The following NSG1 variants were observed in gnomAD, a reference collection of about 807,000 sequenced individuals.
NSG1 encodes neuronal vesicle trafficking associated 1.
A neutral mutation model predicts 19.3 loss-of-function variants in NSG1; 9 were observed. That is an observed-to-expected ratio of 0.47 (90% CI 0.28 to 0.81). The LOEUF (loss-of-function observed/expected upper bound fraction) is 0.81. Among genes scored for constraint, NSG1 ranks in the 40% least tolerant of loss-of-function variants. NSG1 has a pLI of 0.11. For synonymous variants in NSG1, 104 were observed against 107.0 expected, an observed-to-expected ratio of 0.97 and a Z score of 0.17; for missense variants, 236 against 242.4, an observed-to-expected ratio of 0.97 and a Z score of 0.18.
chr4:4,394,268 T>C (rs1723137750), intron 3 of NSG1, among the ~76,000 whole-genome samples: 2 of 152,176 alleles, frequency 1.3e-5, no homozygotes, highest in South Asian at 4.1e-4. Context: ...TTCAAAACCC[T>C]TGCTCTGCTG....
chr4:4,415,910 A>C (rs765928571), intron 4 of NSG1: 1 of 574,466 alleles, frequency 1.7e-6, no homozygotes, highest in Non-Finnish European at 3.1e-6. Context: ...CTCCTTCCTG[A>C]TGCACGCGCT....
At chr4:4,411,600 C>T (rs1244637325) in intron 4 of NSG1, among the ~76,000 whole-genome samples, 1 of 152,104 alleles carries the variant, frequency 6.6e-6, no homozygotes, top group African/African-American at 2.4e-5. Flanking sequence ...AAAAATTAGC[C>T]AGGCATGGTG....
At chr4:4,410,109 A>C (rs1724093241) in intron 4 of NSG1, among the ~76,000 whole-genome samples, 1 of 152,140 alleles carries the variant, frequency 6.6e-6, no homozygotes, top group Non-Finnish European at 1.5e-5. Context: ...TCCCACAGAG[A>C]GGAAGGCCTT....
At position 4,387,589 on chromosome 4, in the gene NSG1, G is replaced by A. The variant is rs747491272; in HGVS notation, c.-26-15G>A. 8.7e-6 allele frequency: 13 copies of A among 1,490,154 alleles called. No homozygotes were observed. The South Asian group carries it at 1.4e-4, about 16-fold the overall frequency. 92.3% of individuals were successfully genotyped at this position (1,490,154 alleles called of 1,614,324 possible). On this transcript the variant is annotated splice_polypyrimidine_tract_variant and intron_variant, in intron 1 of 4. Transcript: ENST00000621129. Reference sequence around the variant, plus strand: ...GTCTTGCTTGTGGTGACTCCCCCCGGCCCTCCCGCCGCAGGCTGCAGCCTC... The same window carrying A: ...GTCTTGCTTGTGGTGACTCCCCCCGACCCTCCCGCCGCAGGCTGCAGCCTC...
At position 4,413,360 on chromosome 4, in the gene NSG1, C is replaced by G. The variant is rs1019783493; in HGVS notation, c.357+3677C>G. 2.6e-5 allele frequency among the ~76,000 whole-genome samples: 4 copies of G among 151,384 alleles called. No individual in the cohort carries two copies. In the East Asian group the frequency reaches 7.8e-4, roughly 30 times the overall value. On this transcript the variant is annotated intron_variant, in intron 4 of 4. Transcript: ENST00000621129. ...GCTTGCGGGTCTTGGGGGAGTGTGC[C>G]CAGCCAAGGAAAGCCCCCACCCTTT...
chr4:4,400,602 A>G (rs1206875337), intron 3 of NSG1, among the ~76,000 whole-genome samples: 3 of 152,144 alleles, frequency 2.0e-5, no homozygotes, highest in African/African-American at 7.2e-5. Flanking sequence ...CTTTCCTTTT[A>G]TTTATATCCT....
At chr4:4,405,436 T>C (rs952173026) in intron 3 of NSG1, among the ~76,000 whole-genome samples, 2 of 152,166 alleles carry the variant, frequency 1.3e-5, no homozygotes, top group East Asian at 3.9e-4. Flanking sequence ...CAACTTGTGG[T>C]CTCTTGTCCT....
At chr4:4,399,891 A>G (rs1367532467) in intron 3 of NSG1, among the ~76,000 whole-genome samples, 3 of 152,208 alleles carry the variant, frequency 2.0e-5, no homozygotes, top group Non-Finnish European at 4.4e-5. Flanking sequence ...TCCTATGAGA[A>G]TCTAATGCTG....
chr4:4,406,362 G>A (rs1343173181), intron 3 of NSG1, among the ~76,000 whole-genome samples: 1 of 152,186 alleles, frequency 6.6e-6, no homozygotes, highest in African/African-American at 2.4e-5. Context: ...CTGCACCTGT[G>A]GTGGCTTGGC....
intron 3 of NSG1, among the ~76,000 whole-genome samples, chr4:4,408,975 C>T (rs1331948656): frequency 1.3e-5 from 2 of 152,248 alleles, no homozygotes; most frequent in Non-Finnish European, 2.9e-5. Context: ...CTGTCTAGTG[C>T]TCAGCATACC....
At chr4:4,407,476 C>T (rs1723930328) in intron 3 of NSG1, among the ~76,000 whole-genome samples, 1 of 152,122 alleles carries the variant, frequency 6.6e-6, no homozygotes, top group Admixed American at 6.5e-5. Flanking sequence ...CTTGGTGCTG[C>T]CCTTGTCCTG....
intron 1 of NSG1, 77 bp from the exon 2 acceptor site, chr4:4,387,527 G>A (rs1460854005): frequency 1.0e-6 from 1 of 980,342 alleles, no homozygotes; most frequent in Non-Finnish European, 1.5e-6. Flanking sequence ...GGACGCCGGT[G>A]GGTGTGGGTG....
At chr4:4,390,657 C>T (rs1323874928) in intron 2 of NSG1, among the ~76,000 whole-genome samples, 1 of 152,202 alleles carries the variant, frequency 6.6e-6, no homozygotes, top group African/African-American at 2.4e-5. Flanking sequence ...AGACCTATAA[C>T]ACCTTGACCC....
Position 4,404,565 on chromosome 4 carries a change from T to C in NSG1, c.247-5008T>C, listed in dbSNP as rs148104130. On this transcript the variant is annotated intron_variant, in intron 3 of 4. Coordinates refer to ENST00000621129, the MANE Select transcript of NSG1 (RefSeq NM_014392.5). The stretch of plus-strand genomic sequence containing the variant: ...AAGTATTTTCAAATTGGTTGAACGA[T>C]GGAGTTGCTGGTGGTCGTGGTTCTC... Among the ~76,000 whole-genome samples the C allele has an allele frequency of 9.5e-3, 1,445 of 152,336 alleles. 27 individuals carry two copies. Among genetic ancestry groups the C allele is most frequent in the African/African-American group, 0.032 (1,310 of 41,570 alleles).
intron 3 of NSG1, among the ~76,000 whole-genome samples, chr4:4,393,107 A>C (rs11942340): frequency 0.011 from 1,607 of 152,146 alleles, 20 homozygotes; most frequent in African/African-American, 0.036. Flanking sequence ...CCTTGATTTC[A>C]AGGTCATGGT....
At chr4:4,387,491 C>A in intron 1 of NSG1, 113 bp from the exon 2 acceptor site, 1 of 677,602 alleles carries the variant, frequency 1.5e-6, no homozygotes, top group Non-Finnish European at 2.5e-6. Flanking sequence ...CGAGACGAAG[C>A]GGGGCCGGGG....
chr4:4,387,071 C>T (rs1722754942), upstream of NSG1: 1 of 151,910 alleles, frequency 6.6e-6, no homozygotes, highest in Non-Finnish European at 1.5e-5. Flanking sequence ...CGTTCGCTCC[C>T]CTTCCCGGGT....
chr4:4,389,637 G>A (rs1008142302), intron 2 of NSG1, among the ~76,000 whole-genome samples: 2 of 152,182 alleles, frequency 1.3e-5, no homozygotes, highest in Admixed American at 1.3e-4. Context: ...CTGAACAACA[G>A]CAACGTGTTG....
At chr4:4,413,221 G>A (rs911635542) in intron 4 of NSG1, among the ~76,000 whole-genome samples, 1 of 151,976 alleles carries the variant, frequency 6.6e-6, no homozygotes, top group African/African-American at 2.4e-5. Context: ...TGAATGTGAA[G>A]GCTATAGACA....
Sources: allele counts gnomAD v4.1 joint callset (sites outside exome capture counted in the v4.1 genomes callset), GRCh38; gene constraint gnomAD v4.1.1; transcripts MANE v1.5; gene names NCBI Gene and HGNC (gene_info 2026-07-23, HGNC 2026-07-21).